The following BRCA2 variants were observed in gnomAD, a reference collection of about 807,000 sequenced individuals.
BRCA2 encodes the protein BRCA2 DNA repair associated, also known as breast cancer type 2 susceptibility protein.
Under a neutral mutation model 276.7 loss-of-function variants are expected in BRCA2, and 203 were observed. That is an observed-to-expected ratio of 0.73 (90% CI 0.65 to 0.82). The LOEUF (loss-of-function observed/expected upper bound fraction) is 0.82. Ranked by LOEUF, BRCA2 falls within the 40% of genes least tolerant of loss-of-function variation. The probability of loss-of-function intolerance (pLI) is 0.00; values close to 1 mark genes in which losing one functional copy is unlikely to be tolerated. For missense variants in BRCA2, 3,920 were observed against 3,915.0 expected (o/e 1.00, Z -0.03); for synonymous variants, 1,289 against 1,338.4 (o/e 0.96, Z 0.81).
intron 10 of BRCA2, among the ~76,000 whole-genome samples, 197 bp downstream of exon 10, chr13:32,333,584 A>G (rs1305355963): frequency 6.6e-6 from 1 of 152,138 alleles, no homozygotes; most frequent in Admixed American, 6.5e-5. Context: ...AAGTTTGCAT[A>G]GTTTGTGTAT....
chr13:32,389,335 A>T (rs965313488), intron 24 of BRCA2, among the ~76,000 whole-genome samples: 3 of 152,198 alleles, frequency 2.0e-5, no homozygotes, highest in Admixed American at 6.5e-5. Flanking sequence ...ATGATAGCTT[A>T]TCGTATATGT....
At chr13:32,363,996 A>T (rs1403147798) in intron 18 of BRCA2, among the ~76,000 whole-genome samples, 3 of 152,208 alleles carry the variant, frequency 2.0e-5, no homozygotes, top group Admixed American at 6.5e-5. Context: ...ATAATATTGT[A>T]CATTCAGATT....
intron 20 of BRCA2, among the ~76,000 whole-genome samples, chr13:32,375,794 A>C (rs2072867324): frequency 6.6e-6 from 1 of 152,134 alleles, no homozygotes; most frequent in Non-Finnish European, 1.5e-5. Flanking sequence ...TCCGGACCTC[A>C]GGTGATCCAC....
Position 32,332,715 on chromosome 13 carries a change from CT to C in BRCA2, c.1238del (p.Leu413HisfsTer17), listed in dbSNP as rs80359271. Reference sequence around the variant, plus strand: ...TGGAGCCCAGATGGAGAAAATACCCCTATTGCATATTTCTTCATGTGACCAA... The same window carrying C: ...TGGAGCCCAGATGGAGAAAATACCCCATTGCATATTTCTTCATGTGACCAA... ...LNGAQMEKIPLLHISSCDQNI... is the reference protein window; with the variant it reads ...LNGAQMEKIPXLHISSCDQNI... On this transcript the variant is annotated frameshift_variant, in exon 10 of 27. Coordinates refer to ENST00000380152, the MANE Select transcript of BRCA2 (RefSeq NM_000059.4). LOFTEE classifies it high-confidence loss of function. 6.2e-7 allele frequency: 1 copy of C among 1,613,508 alleles called. No homozygotes were observed. Among genetic ancestry groups the C allele is most frequent in the Non-Finnish European group, 8.5e-7 (1 of 1,179,716 alleles).
At chr13:32,319,473 C>A in intron 3 of BRCA2, 148 bp downstream of exon 3, 1 of 784,294 alleles carries the variant, frequency 1.3e-6, no homozygotes, top group Non-Finnish European at 2.0e-6. Context: ...AAAATGGAGA[C>A]GATGAAAATA....
chr13:32,330,179 A>T (rs1264720495), intron 8 of BRCA2, among the ~76,000 whole-genome samples: 1 of 152,220 alleles, frequency 6.6e-6, no homozygotes, highest in Admixed American at 6.5e-5. Context: ...CTGGCGTAAT[A>T]TGTAGCTGTC....
At chr13:32,384,398 G>A (rs2072944771) in intron 24 of BRCA2, among the ~76,000 whole-genome samples, 1 of 152,220 alleles carries the variant, frequency 6.6e-6, no homozygotes, top group Admixed American at 6.5e-5. Flanking sequence ...GCCCAGAAAG[G>A]CCACATCCAA....
rs144728108 is a variant in BRCA2, at chr13:32,356,608, A to G, written c.7616A>G (p.Gln2539Arg). The G allele has an allele frequency of 3.1e-6, 5 of 1,614,038 alleles. No individual in the cohort carries two copies. The highest frequency in any genetic ancestry group is 4.2e-6 in the Non-Finnish European group (5 of 1,179,880). The change falls in exon 15 of 27, where the codon CAG becomes CGG. Residue 2539 changes from glutamine (Q) to arginine (R), a missense_variant and splice_region_variant. Transcript: ENST00000380152. ...GQVPSACSHK[Q>R]LYTYGVSKHC... ...GTTCCCTCTGCGTGTTCTCATAAAC[A>G]GGTATGTGTTTGTCTACAATACTGA...
At chr13:32,376,813 T>C (rs1046953199) in intron 21 of BRCA2, 22 bp downstream of exon 21, 32 of 1,613,102 alleles carry the variant, frequency 2.0e-5, no homozygotes, top group Non-Finnish European at 2.7e-5. Context: ...AGAGGACATA[T>C]AATGAGGCTT....
At chr13:32,324,107 A>T (rs2072326453) in intron 3 of BRCA2, among the ~76,000 whole-genome samples, 1 of 152,242 alleles carries the variant, frequency 6.6e-6, no homozygotes, top group Non-Finnish European at 1.5e-5. Context: ...CTAGGGATAC[A>T]GTGACAAATA....
chr13:32,384,323 T>A (rs1206042826), intron 24 of BRCA2, among the ~76,000 whole-genome samples: 2 of 152,052 alleles, frequency 1.3e-5, no homozygotes, highest in African/African-American at 4.8e-5. Flanking sequence ...GTAGTGGAGA[T>A]CTTACTGAGT....
Position 32,339,845 on chromosome 13 carries a change from C to T in BRCA2, c.5490C>T (p.Ser1830=), listed in dbSNP as rs786201459. 2 of 1,613,642 alleles carry T rather than the reference C, an allele frequency of 1.2e-6. No homozygotes were observed. Among genetic ancestry groups the T allele is most frequent in the East Asian group, 2.2e-5 (1 of 44,870 alleles). ...CKNKNAAIKL[S]ISNSNNFEVG... Reference sequence around the variant, plus strand: ...ATAAAAATGCAGCCATTAAATTGTCCATATCTAATAGTAATAATTTTGAGG... The same window carrying T: ...ATAAAAATGCAGCCATTAAATTGTCTATATCTAATAGTAATAATTTTGAGG... Residue 1830 remains serine (S), a synonymous_variant, in exon 11 of 27, where the codon TCC becomes TCT. Coordinates refer to ENST00000380152, the MANE Select transcript of BRCA2 (RefSeq NM_000059.4).
rs80358599 is a variant in BRCA2, at chr13:32,337,864, C to T, written c.3509C>T (p.Ala1170Val). 30 of 1,613,922 alleles carry T rather than the reference C, an allele frequency of 1.9e-5. No homozygotes were observed. Among genetic ancestry groups the T allele is most frequent in the Non-Finnish European group, 2.5e-5 (30 of 1,179,982 alleles). Residue 1170 changes from alanine (A) to valine (V), a missense_variant, in exon 11 of 27, where the codon GCC becomes GTC. By Grantham distance (64) the Ala-to-Val change is moderately conservative. Transcript: ENST00000380152. Reference protein sequence around the residue: ...RDADLHVIMNAPSIGQVDSSK... With the variant: ...RDADLHVIMNVPSIGQVDSSK... ...GCTGATCTTCATGTCATAATGAATG[C>T]CCCATCGATTGGTCAGGTAGACAGC...
In BRCA2 at chr13:32,332,410, G is replaced by A; in HGVS notation, c.932G>A (p.Cys311Tyr). 6.3e-7 allele frequency: 1 copy of A among 1,591,586 alleles called. No individual in the cohort carries two copies. Among genetic ancestry groups the A allele is most frequent in the Non-Finnish European group, 8.5e-7 (1 of 1,171,190 alleles). ...DTSEEDSFSL[C>Y]FSKCRTKNLQ... Reference sequence around the variant, plus strand: ...TCTGAAGAAGATAGTTTTTCATTATGTTTTTCTAAATGTAGAACAAAAAAT... The same window carrying A: ...TCTGAAGAAGATAGTTTTTCATTATATTTTTCTAAATGTAGAACAAAAAAT... Residue 311 changes from cysteine to tyrosine, a missense_variant, in exon 10 of 27, where the codon TGT becomes TAT. Physicochemically the swap from Cys to Tyr is radical, Grantham distance 194 (BLOSUM62 -2). This residue lies in a region of BRCA2 where 3,263 missense variants were observed against 3,156.9 expected (regional missense o/e 1.03). Transcript: ENST00000380152.
intron 16 of BRCA2, among the ~76,000 whole-genome samples, chr13:32,358,925 C>G (rs1240819145): frequency 6.7e-6 from 1 of 149,616 alleles, no homozygotes; most frequent in Non-Finnish European, 1.5e-5. Context: ...CAGAGCAAGA[C>G]CCTATTTCAA....
chr13:32,330,883 T>C lies in BRCA2; in HGVS notation c.682-36T>C, dbSNP rs758114920. 6.8e-6 allele frequency: 9 copies of C among 1,323,300 alleles called. No homozygotes were observed. The South Asian group carries it at 7.3e-5, about 11-fold the overall frequency. The allele number at this position is 1,323,300 out of a possible 1,614,324, so 82.0% of individuals were successfully genotyped here. A position where few individuals can be genotyped will look rare whatever the true frequency, so the allele number is the denominator to read the frequency against. Reference sequence around the variant, plus strand: ...CTACTACTATATGTGCATTGAGAGTTTTTATACTAGTGATTTTAAACTATA... The same window carrying C: ...CTACTACTATATGTGCATTGAGAGTCTTTATACTAGTGATTTTAAACTATA... On this transcript the variant is annotated intron_variant, in intron 8 of 26. Coordinates refer to ENST00000380152, the MANE Select transcript of BRCA2 (RefSeq NM_000059.4).
intron 24 of BRCA2, 63 bp downstream of exon 24, chr13:32,380,208 C>T (rs1593938356): frequency 1.3e-6 from 2 of 1,523,342 alleles, no homozygotes; most frequent in East Asian, 4.8e-5. Context: ...CTTTTAAAAT[C>T]TCTTATGATT....
At chr13:32,394,488 C>A (rs2073019237) in intron 24 of BRCA2, among the ~76,000 whole-genome samples, 1 of 152,170 alleles carries the variant, frequency 6.6e-6, no homozygotes, top group South Asian at 2.1e-4. Context: ...AATGTGTTGT[C>A]ATATTGGTAT....
intron 24 of BRCA2, among the ~76,000 whole-genome samples, chr13:32,388,121 C>T (rs976769384): frequency 1.4e-5 from 2 of 141,526 alleles, no homozygotes; most frequent in Admixed American, 1.4e-4. Context: ...ATGACCTCAT[C>T]TTTTTTTTTT....
Sources: allele counts gnomAD v4.1 joint callset (sites outside exome capture counted in the v4.1 genomes callset), GRCh38; gene constraint gnomAD v4.1.1; regional missense constraint gnomAD v4.1.1; transcripts MANE v1.5; gene names NCBI Gene and HGNC (gene_info 2026-07-23, HGNC 2026-07-21).